Variants in SIM2 observed in about 807,000 individuals in gnomAD.
SIM2 encodes single-minded homolog 2.
SIM2 carries 28 observed loss-of-function variants against 64.8 expected under a neutral mutation model. The observed-to-expected ratio is 0.43, with a 90% CI of 0.32 to 0.59. The LOEUF (loss-of-function observed/expected upper bound fraction) is 0.59, where lower values mean the gene tolerates loss of function less well. SIM2 is among the 20% of genes least tolerant of loss of function. The pLI is 0.07. For synonymous variants in SIM2, 408 were observed against 391.1 expected (o/e 1.04, Z -0.51); for missense variants, 847 against 871.4 (o/e 0.97, Z 0.35).
chr21:36,721,713 G>A (rs183215389), intron 4 of SIM2, among the ~76,000 whole-genome samples: 104 of 152,274 alleles, frequency 6.8e-4, no homozygotes, highest in African/African-American at 2.3e-3. Context: ...TGGGATTACA[G>A]GCGTGAGCCA....
Position 36,741,733 on chromosome 21 carries a change from G to C in SIM2, c.867G>C (p.Gln289His). 6.2e-7 allele frequency: 1 copy of C among 1,613,316 alleles called. No individual in the cohort carries two copies. The highest frequency in any genetic ancestry group is 8.5e-7 in the Non-Finnish European group (1 of 1,179,994). Residue 289 changes from glutamine (Q) to histidine (H), a missense_variant, in exon 8 of 11, where the codon CAG becomes CAC. By Grantham distance (24) the Gln-to-His change is conservative. This residue lies in a region of SIM2 where 397 missense variants were observed against 439.2 expected (regional missense o/e 0.90). Transcript: ENST00000290399. ...TGCTTGCAGTGTTGGTGAAGGGCCA[G>C]GTCACCACCAAGTACTACCGGCTGC... ...YAHHLLLVKG[Q>H]VTTKYYRLLS...
intron 7 of SIM2, among the ~76,000 whole-genome samples, chr21:36,732,454 AC>A (rs942528083): frequency 1.8e-4 from 27 of 152,192 alleles, no homozygotes; most frequent in African/African-American, 5.3e-4. Flanking sequence ...CGCTAGGTCC[AC>A]AGATGCGTGG....
At chr21:36,728,055 G>A (rs184136095) in intron 6 of SIM2, among the ~76,000 whole-genome samples, 314 of 152,244 alleles carry the variant, frequency 2.1e-3, no homozygotes, top group Non-Finnish European at 3.7e-3. Flanking sequence ...GGCCAAGAGC[G>A]ACAAATGCCA....
At chr21:36,741,967 G>A in intron 8 of SIM2, 103 bp downstream of exon 8, 1 of 1,140,494 alleles carries the variant, frequency 8.8e-7, no homozygotes, top group Non-Finnish European at 1.2e-6. Context: ...TTCTCAAACT[G>A]TTCATTTGTC....
intron 7 of SIM2, among the ~76,000 whole-genome samples, chr21:36,733,560 A>ATT (rs60888276): frequency 1.3e-4 from 17 of 134,114 alleles, no homozygotes; most frequent in African/African-American, 3.6e-4. Context: ...GGAAGCAGGG[A>ATT]TTTTTTTTTT....
chr21:36,700,635 G>A (rs896480724), intron 1 of SIM2, among the ~76,000 whole-genome samples: 1 of 152,158 alleles, frequency 6.6e-6, no homozygotes, highest in African/African-American at 2.4e-5. Flanking sequence ...GCGAGTCAGC[G>A]GGGATCACGG....
chr21:36,722,514 T>C (rs1245890315), intron 4 of SIM2, among the ~76,000 whole-genome samples: 9 of 152,196 alleles, frequency 5.9e-5, no homozygotes, highest in African/African-American at 1.9e-4. Flanking sequence ...GGGTGTTTCC[T>C]TAGGGGACAC....
At chr21:36,720,716 C>T (rs2123452884) in intron 4 of SIM2, 1 of 152,314 alleles carries the variant, frequency 6.6e-6, no homozygotes, top group East Asian at 1.9e-4. Context: ...TGCTGTGGCA[C>T]AAATCATTAA....
At chr21:36,702,923 C>T (rs957558331) in intron 1 of SIM2, among the ~76,000 whole-genome samples, 12 of 129,742 alleles carry the variant, frequency 9.2e-5, no homozygotes, top group African/African-American at 3.6e-4. Context: ...TAGAGACCAG[C>T]TTAGGACTCT....
At chr21:36,729,703 CCTCT>C (rs1397345538) in intron 6 of SIM2, among the ~76,000 whole-genome samples, 1 of 152,142 alleles carries the variant, frequency 6.6e-6, no homozygotes, top group East Asian at 1.9e-4. Flanking sequence ...TCCCTTCATC[CCTCT>C]CTCTTTCATC....
chr21:36,709,457 T>A (rs1437768950), intron 2 of SIM2: 3 of 688,806 alleles, frequency 4.4e-6, no homozygotes, highest in African/African-American at 1.8e-5. Context: ...TAACCCTACG[T>A]CTGCCCCCAC....
chr21:36,747,721 A>G lies in SIM2; in HGVS notation c.1633A>G (p.Ser545Gly), dbSNP rs1237599578. ...GEDTAPPSFP[S>G]CGHYREEPAL... is the part of the protein sequence containing the mutation. ...GGACACCGCGCCCCCGAGCTTCCCG[A>G]GCTGCGGCCACTACCGCGAGGAGCC... The change falls in exon 11 of 11, where the codon AGC becomes GGC. Residue 545 changes from serine to glycine, a missense_variant. Coordinates refer to ENST00000290399, the MANE Select transcript of SIM2 (RefSeq NM_005069.6). The surrounding 1 kb of genome is among the most constrained non-coding windows in gnomAD (Gnocchi z 4.5). The G allele has an allele frequency of 7.9e-7, 1 of 1,269,966 alleles. No homozygotes were observed. The allele number at this position is 1,269,966 out of a possible 1,614,324, so 78.7% of individuals were successfully genotyped here. A position where few individuals can be genotyped will look rare whatever the true frequency, so the allele number is the denominator to read the frequency against.
chr21:36,722,594 A>C (rs555243214), intron 4 of SIM2, among the ~76,000 whole-genome samples: 47 of 152,238 alleles, frequency 3.1e-4, no homozygotes, highest in African/African-American at 1.1e-3. Flanking sequence ...AGTGAGTGGG[A>C]AGGGCAGAGC....
chr21:36,707,631 G>A (rs2088604059), intron 1 of SIM2, among the ~76,000 whole-genome samples: 1 of 151,964 alleles, frequency 6.6e-6, no homozygotes, highest in Non-Finnish European at 1.5e-5. Context: ...TGCCGAATAG[G>A]GAAGGGTTTG....
intron 2 of SIM2, among the ~76,000 whole-genome samples, chr21:36,712,265 C>A (rs2088687358): frequency 6.6e-6 from 1 of 152,190 alleles, no homozygotes; most frequent in East Asian, 1.9e-4. Flanking sequence ...GATAGGAATT[C>A]TCAAATGTTT....
chr21:36,710,766 A>T (rs1397355861), intron 2 of SIM2, among the ~76,000 whole-genome samples: 1 of 152,120 alleles, frequency 6.6e-6, no homozygotes, highest in African/African-American at 2.4e-5. Flanking sequence ...GACCCGGGGA[A>T]TATTCGAAAC....
intron 5 of SIM2, 109 bp from the exon 6 acceptor site, chr21:36,726,000 CAGTGGAGTAG>C (rs2088884937): frequency 1.3e-6 from 1 of 787,596 alleles, no homozygotes; most frequent in African/African-American, 1.7e-5. Flanking sequence ...TTGGGCCGCA[CAGTGGAGTAG>C]AGGCTGGGCT....
rs374340111 is a variant in SIM2 at position 36,744,712 on chromosome 21, C to G, written c.1168-16C>G. ...GGCCCCTCGCTGGCCCTTCATCCATCTTCTTTGCCATGCAGCAATACAGCT... is the reference window on the plus strand; with the variant it reads ...GGCCCCTCGCTGGCCCTTCATCCATGTTCTTTGCCATGCAGCAATACAGCT... On this transcript the variant is annotated splice_polypyrimidine_tract_variant and intron_variant, in intron 9 of 10. Coordinates refer to ENST00000290399, the MANE Select transcript of SIM2 (RefSeq NM_005069.6). The G allele has an allele frequency of 1.3e-6, 2 of 1,572,696 alleles. No homozygotes were observed. Among genetic ancestry groups the G allele is most frequent in the Non-Finnish European group, 1.7e-6 (2 of 1,158,236 alleles).
At chr21:36,741,421 A>G (rs760735018) in intron 7 of SIM2, among the ~76,000 whole-genome samples, 3 of 152,226 alleles carry the variant, frequency 2.0e-5, no homozygotes, top group Non-Finnish European at 4.4e-5. Context: ...TGCCAGATAC[A>G]AACTTTGGTG....
Sources: allele counts gnomAD v4.1 joint callset (sites outside exome capture counted in the v4.1 genomes callset), GRCh38; gene constraint gnomAD v4.1.1; regional missense constraint gnomAD v4.1.1; non-coding constraint Gnocchi (gnomAD v3.1); transcripts MANE v1.5; gene names NCBI Gene and HGNC (gene_info 2026-07-23, HGNC 2026-07-21).